Variants in POU2F2 observed in about 807,000 individuals in gnomAD.
POU2F2 encodes the protein POU class 2 homeobox 2.
A neutral mutation model predicts 63.5 loss-of-function variants in POU2F2; 14 were observed. The ratio of observed to expected loss-of-function variants is 0.22; its 90% CI spans 0.15 to 0.34. The LOEUF (loss-of-function observed/expected upper bound fraction) is 0.34, where lower values mean the gene tolerates loss of function less well. Ranked by LOEUF, POU2F2 falls within the 10% of genes least tolerant of loss-of-function variation. The probability of loss-of-function intolerance (pLI) is 1.00; values close to 1 mark genes in which losing one functional copy is unlikely to be tolerated. For synonymous variants in POU2F2, 306 were observed against 348.6 expected (o/e 0.88, Z 1.36); for missense variants, 607 against 815.2 (o/e 0.74, Z 3.11).
chr19:42,090,073 G>A lies in POU2F2; in HGVS notation c.*1184C>T, dbSNP rs1157089687. On this transcript the variant is annotated 3_prime_UTR_variant, in exon 15 of 15. Coordinates refer to ENST00000692977, the MANE Select transcript of POU2F2 (RefSeq NM_001394376.1). The surrounding 1 kb of genome is among the most constrained non-coding windows in gnomAD (Gnocchi z 4.4). ...CACTGGGGTGTGTGCGTGCGTGCAT[G>A]TGGGGGGAGGGAGAGGCATTCGCCA... 1 of 152,662 alleles carries A rather than the reference G, an allele frequency of 6.6e-6. No homozygotes were observed. Among genetic ancestry groups the A allele is most frequent in the Non-Finnish European group, 1.5e-5 (1 of 68,068 alleles). 9.5% of individuals were successfully genotyped at this position (152,662 alleles called of 1,614,324 possible).
chr19:42,171,129 G>A (rs540161926), intron 1 of POU2F2, among the ~76,000 whole-genome samples: 6 of 152,348 alleles, frequency 3.9e-5, no homozygotes, highest in East Asian at 1.9e-4. Context: ...GCCTCAGGGC[G>A]ACCCTCCCCT....
rs375006374 is a variant in POU2F2, at chr19:42,130,429, A to C, written c.28+1955T>G. Among the ~76,000 whole-genome samples, 1,193 of 152,178 alleles carry C rather than the reference A, an allele frequency of 7.8e-3. 16 individuals are homozygous for C. The highest frequency in any genetic ancestry group is 0.028 in the African/African-American group (1,143 of 41,496). ...ACCAGGCAGGGTGAGTGATCTGCCC[A>C]CAGCCACACAGTGTATTAATTCATG... On this transcript the variant is annotated intron_variant, in intron 1 of 14. Coordinates refer to ENST00000692977, the MANE Select transcript of POU2F2 (RefSeq NM_001394376.1).
intron 2 of POU2F2, among the ~76,000 whole-genome samples, chr19:42,137,824 G>A (rs755201968): frequency 1.3e-5 from 2 of 152,162 alleles, no homozygotes; most frequent in East Asian, 1.9e-4. Context: ...CAGTATTCTC[G>A]AGGCAAAGAA....
chr19:42,149,374 G>A (rs990944939), intron 2 of POU2F2, among the ~76,000 whole-genome samples: 1 of 152,186 alleles, frequency 6.6e-6, no homozygotes, highest in Non-Finnish European at 1.5e-5. Context: ...CCAAGGACCT[G>A]AGCCTCCACT....
intron 2 of POU2F2, among the ~76,000 whole-genome samples, chr19:42,143,344 T>C (rs2034166545): frequency 1.3e-5 from 2 of 151,966 alleles, no homozygotes; most frequent in African/African-American, 4.8e-5. Context: ...AGAGCAAGAC[T>C]CTGCCTCAAA....
rs2146263005 is a variant in POU2F2, at chr19:42,089,799, T to C, written c.*1458A>G. 6.6e-6 allele frequency: 1 copy of C among 151,828 alleles called. No individual in the cohort carries two copies. Among genetic ancestry groups the C allele is most frequent in the East Asian group, 1.9e-4 (1 of 5,170 alleles). 9.4% of individuals were successfully genotyped at this position (151,828 alleles called of 1,614,324 possible). On this transcript the variant is annotated 3_prime_UTR_variant, in exon 15 of 15. Coordinates refer to ENST00000692977, the MANE Select transcript of POU2F2 (RefSeq NM_001394376.1). Reference sequence around the variant, plus strand: ...TGTTTGTTTGTTTCTGTTTTTTTGGTTTTCGGTTCAAAACTTTGTTGGCCT... The same window carrying C: ...TGTTTGTTTGTTTCTGTTTTTTTGGCTTTCGGTTCAAAACTTTGTTGGCCT...
At position 42,091,227 on chromosome 19, in the gene POU2F2, G is replaced by C; in HGVS notation, c.*30C>G. ...AGGCAAGGGACCAAGGCAGGGACCA[G>C]AGGAATGGGAGGGGAGGCATGGCTG... On this transcript the variant is annotated 3_prime_UTR_variant, in exon 15 of 15. Transcript: ENST00000692977. 6.6e-7 allele frequency: 1 copy of C among 1,509,988 alleles called. No homozygotes were observed. Among genetic ancestry groups the C allele is most frequent in the Non-Finnish European group, 8.8e-7 (1 of 1,132,798 alleles). 93.5% of individuals were successfully genotyped at this position (1,509,988 alleles called of 1,614,324 possible). A position where few individuals can be genotyped will look rare whatever the true frequency, so the allele number is the denominator to read the frequency against.
intron 1 of POU2F2, among the ~76,000 whole-genome samples, chr19:42,163,711 T>A (rs1035824217): frequency 6.6e-6 from 1 of 152,068 alleles, no homozygotes; most frequent in Admixed American, 6.5e-5. Flanking sequence ...TTTTCACACA[T>A]GTGAGAGGCT....
intron 5 of POU2F2, among the ~76,000 whole-genome samples, chr19:42,106,583 C>T (rs907692812): frequency 3.9e-5 from 6 of 152,116 alleles, no homozygotes; most frequent in African/African-American, 1.4e-4. Flanking sequence ...CAATATAACC[C>T]TTGTAACATA....
At position 42,091,121 on chromosome 19, in the gene POU2F2, T is replaced by G. The variant is rs2076697074; in HGVS notation, c.*136A>C. ...TTTTTTTTTTTTTTTTGGTTGGTTG[T>G]TTTTTTGGTCTTTCCTCCCTTGTCA... On this transcript the variant is annotated 3_prime_UTR_variant, in exon 15 of 15. Coordinates refer to ENST00000692977, the MANE Select transcript of POU2F2 (RefSeq NM_001394376.1). 1 of 710,292 alleles carries G rather than the reference T, an allele frequency of 1.4e-6. No homozygotes were observed. The allele number at this position is 710,292 out of a possible 1,614,324, so 44.0% of individuals were successfully genotyped here.
At chr19:42,175,362 C>T (rs1234828188) in intron 1 of POU2F2, among the ~76,000 whole-genome samples, 1 of 152,094 alleles carries the variant, frequency 6.6e-6, no homozygotes, top group Non-Finnish European at 1.5e-5. Flanking sequence ...TTCCCTGGCA[C>T]CCTGTTGAAG....
At chr19:42,197,309 G>A (rs1208569692), upstream of POU2F2, among the ~76,000 whole-genome samples, 1 of 152,124 alleles carries the variant, frequency 6.6e-6, no homozygotes, top group African/African-American at 2.4e-5. Flanking sequence ...GTGTGGCTGG[G>A]GGCTAAATAG....
intron 1 of POU2F2, among the ~76,000 whole-genome samples, chr19:42,171,926 C>A (rs1004650811): frequency 6.6e-6 from 1 of 152,094 alleles, no homozygotes; most frequent in Non-Finnish European, 1.5e-5. Context: ...GTCCAAAGTA[C>A]GTTGTCACGA....
At chr19:42,187,402 T>C (rs147084425) in intron 1 of POU2F2, among the ~76,000 whole-genome samples, 11,753 of 131,710 alleles carry the variant, frequency 0.089, 657 homozygotes, top group Middle Eastern at 0.22. Flanking sequence ...ACCCAGGAGG[T>C]GGAGGCTACA....
At chr19:42,121,421 G>A (rs1200489334) in intron 4 of POU2F2, among the ~76,000 whole-genome samples, 3 of 152,214 alleles carry the variant, frequency 2.0e-5, no homozygotes, top group Admixed American at 6.5e-5. Context: ...GAAACTGAGA[G>A]GCCCAGAGAG....
intron 1 of POU2F2, among the ~76,000 whole-genome samples, chr19:42,124,413 G>A (rs981299975): frequency 6.7e-6 from 1 of 149,646 alleles, no homozygotes; most frequent in Admixed American, 6.7e-5. Flanking sequence ...TCTTGCAATT[G>A]AGTATTATTC....
At chr19:42,159,685 C>T (rs1361478959) in intron 2 of POU2F2, among the ~76,000 whole-genome samples, 1 of 152,212 alleles carries the variant, frequency 6.6e-6, no homozygotes, top group Non-Finnish European at 1.5e-5. Flanking sequence ...CAGTGGGCTT[C>T]AGGGAGGGGC....
At chr19:42,122,657 C>T (rs934776345) in intron 1 of POU2F2, 81 bp from the exon 2 acceptor site, 1 of 1,287,152 alleles carries the variant, frequency 7.8e-7, no homozygotes, top group Non-Finnish European at 1.1e-6. Flanking sequence ...ACCACACTCC[C>T]CAAGCCTTTC....
chr19:42,113,507 C>T (rs1196008219), intron 5 of POU2F2, among the ~76,000 whole-genome samples: 1 of 152,210 alleles, frequency 6.6e-6, no homozygotes, highest in Non-Finnish European at 1.5e-5. Flanking sequence ...AAGCTGACAT[C>T]AGAGGGCTGG....
Sources: gnomAD v4.1 joint callset for allele counts (sites outside exome capture counted in the v4.1 genomes callset) on GRCh38, gnomAD v4.1.1 for gene constraint, Gnocchi (gnomAD v3.1) non-coding constraint, MANE v1.5 for transcripts, NCBI Gene and HGNC (gene_info 2026-07-23, HGNC 2026-07-21) for gene names.